The following DCDC2 variants were observed in gnomAD, a reference collection of about 807,000 sequenced individuals.
DCDC2 encodes doublecortin domain-containing protein 2.
A neutral mutation model predicts 50.2 loss-of-function variants in DCDC2; 40 were observed. The ratio of observed to expected loss-of-function variants is 0.80; its 90% CI spans 0.62 to 1.04. The LOEUF (loss-of-function observed/expected upper bound fraction) is 1.04. Among genes scored for constraint, DCDC2 ranks in the 50% least tolerant of loss-of-function variants. The pLI, the probability that DCDC2 is intolerant of heterozygous loss-of-function variation, is 0.00. For synonymous variants in DCDC2, 234 were observed against 210.6 expected (o/e 1.11, Z -0.96); for missense variants, 570 against 581.9 (o/e 0.98, Z 0.21).
chr6:24,307,725 T>C (rs1158434337), intron 2 of DCDC2, among the ~76,000 whole-genome samples: 4 of 152,096 alleles, frequency 2.6e-5, no homozygotes, highest in Admixed American at 6.5e-5. Flanking sequence ...ATCCAAATTA[T>C]AGATTGTTCT....
At chr6:24,193,646 A>C (rs1761358182) in intron 8 of DCDC2, among the ~76,000 whole-genome samples, 1 of 152,180 alleles carries the variant, frequency 6.6e-6, no homozygotes, top group Non-Finnish European at 1.5e-5. Flanking sequence ...AAATGGTTCA[A>C]CTAAGAATAA....
chr6:24,357,691 A>T lies in DCDC2; in HGVS notation c.60T>A (p.Leu20=), dbSNP rs1413179760. ...HLSQPVVKSV[L]VYRNGDPFYA... ...AGAAGGGGTCCCCGTTGCGGTACAC[A>T]AGCACGCTCTTCACGACGGGCTGAG... Residue 20 remains leucine (L), a synonymous_variant, in exon 1 of 10, where the codon CTT becomes CTA. Transcript: ENST00000378454. 3 of 1,613,362 alleles carry T rather than the reference A, an allele frequency of 1.9e-6. No individual in the cohort carries two copies. In the South Asian group the frequency reaches 3.3e-5, roughly 18 times the overall value.
At chr6:24,250,158 G>A (rs1227662122) in intron 7 of DCDC2, among the ~76,000 whole-genome samples, 3 of 152,204 alleles carry the variant, frequency 2.0e-5, no homozygotes, top group African/African-American at 4.8e-5. Context: ...TGAGTCAGAG[G>A]TAGGCAGTGA....
chr6:24,272,368 C>T (rs1763256274), intron 7 of DCDC2, among the ~76,000 whole-genome samples: 1 of 152,136 alleles, frequency 6.6e-6, no homozygotes, highest in Admixed American at 6.5e-5. Flanking sequence ...TTTTATCATA[C>T]TAGTACTTGA....
rs753227406 is a variant in DCDC2, at chr6:24,174,709, T to A, written c.*21A>T. The A allele has an allele frequency of 6.5e-7, 1 of 1,537,876 alleles. No homozygotes were observed. The highest frequency in any genetic ancestry group is 1.7e-5 in the Admixed American group (1 of 59,726). Reference sequence around the variant, plus strand: ...CCCTTCATTTTTCTTGCGATCCATATACTCTCTTTTTAAAAATGTTCTAAG... The same window carrying A: ...CCCTTCATTTTTCTTGCGATCCATAAACTCTCTTTTTAAAAATGTTCTAAG... On this transcript the variant is annotated 3_prime_UTR_variant, in exon 10 of 10. Transcript: ENST00000378454.
intron 8 of DCDC2, among the ~76,000 whole-genome samples, chr6:24,196,052 T>C (rs926533747): frequency 2.0e-5 from 3 of 152,192 alleles, no homozygotes; most frequent in African/African-American, 7.2e-5. Context: ...TGACTAAAAT[T>C]ACAACACAGA....
upstream of DCDC2, among the ~76,000 whole-genome samples, chr6:24,359,233 TA>T (rs1480897997): frequency 5.7e-5 from 2 of 35,086 alleles, no homozygotes; most frequent in African/African-American, 3.9e-4. Flanking sequence ...TTATATATTT[TA>T]TATATTTTAT....
intron 2 of DCDC2, among the ~76,000 whole-genome samples, chr6:24,343,562 T>C (rs573048954): frequency 6.6e-6 from 1 of 152,332 alleles, no homozygotes; most frequent in Non-Finnish European, 1.5e-5. Context: ...TCCTGAAATA[T>C]AAATCTAAAC....
intron 4 of DCDC2, among the ~76,000 whole-genome samples, chr6:24,298,560 T>C (rs1356321798): frequency 6.6e-6 from 1 of 152,236 alleles, no homozygotes; most frequent in African/African-American, 2.4e-5. Context: ...TCACATCTCA[T>C]GTCTATTAAA....
At chr6:24,255,495 C>A (rs996005220) in intron 7 of DCDC2, among the ~76,000 whole-genome samples, 3 of 151,800 alleles carry the variant, frequency 2.0e-5, no homozygotes, top group South Asian at 2.1e-4. Flanking sequence ...AAAAGTCATT[C>A]AGAAAGTGAT....
intron 7 of DCDC2, among the ~76,000 whole-genome samples, chr6:24,248,052 G>A (rs1762722182): frequency 6.6e-6 from 1 of 151,866 alleles, no homozygotes; most frequent in African/African-American, 2.4e-5. Context: ...CTCCAGCCTG[G>A]GCAACAAGAA....
chr6:24,336,991 C>G (rs914806183), intron 2 of DCDC2, among the ~76,000 whole-genome samples: 1 of 152,190 alleles, frequency 6.6e-6, no homozygotes, highest in Non-Finnish European at 1.5e-5. Context: ...GATCAAAGAA[C>G]TGACACCTTG....
rs1277293841 is a variant in DCDC2, at chr6:24,173,246, T to C, written c.*1484A>G. On this transcript the variant is annotated 3_prime_UTR_variant, in exon 10 of 10. Transcript: ENST00000378454. ...TATCTCTCTGTTTACACTTCTGATC[T>C]GTGGAAAATACCAAAATCATATTAA... 1.3e-5 allele frequency: 2 copies of C among 151,964 alleles called. No individual in the cohort carries two copies. The highest frequency in any genetic ancestry group is 4.8e-5 in the African/African-American group (2 of 41,428). 9.4% of individuals were successfully genotyped at this position (151,964 alleles called of 1,614,324 possible).
intron 2 of DCDC2, chr6:24,353,341 T>C: frequency 1.7e-6 from 1 of 603,298 alleles, no homozygotes; most frequent in Non-Finnish European, 3.2e-6. Flanking sequence ...AAAAATATGT[T>C]TTGTCTAATC....
chr6:24,305,983 G>T (rs1759466393), intron 2 of DCDC2, among the ~76,000 whole-genome samples: 1 of 151,890 alleles, frequency 6.6e-6, no homozygotes, highest in Non-Finnish European at 1.5e-5. Flanking sequence ...AGCCAAGATT[G>T]CACCACTGCA....
At chr6:24,284,536 G>A (rs935276233) in intron 6 of DCDC2, among the ~76,000 whole-genome samples, 3 of 150,942 alleles carry the variant, frequency 2.0e-5, no homozygotes, top group Non-Finnish European at 4.4e-5. Flanking sequence ...GCTTGAACCC[G>A]TGGGGCAGAG....
At chr6:24,196,632 G>A (rs922127992) in intron 8 of DCDC2, among the ~76,000 whole-genome samples, 2 of 152,132 alleles carry the variant, frequency 1.3e-5, no homozygotes, top group South Asian at 2.1e-4. Context: ...GTGTTGGCCA[G>A]GCTGGTCTCG....
At chr6:24,209,037 A>G (rs572375914) in intron 7 of DCDC2, among the ~76,000 whole-genome samples, 1 of 152,368 alleles carries the variant, frequency 6.6e-6, no homozygotes, top group South Asian at 2.1e-4. Flanking sequence ...TTGATGCCAA[A>G]GAATTGCCAA....
At chr6:24,355,236 G>A (rs1760444320) in intron 1 of DCDC2, among the ~76,000 whole-genome samples, 1 of 151,976 alleles carries the variant, frequency 6.6e-6, no homozygotes, top group Non-Finnish European at 1.5e-5. Flanking sequence ...CTCTTAGAGA[G>A]ACTTGAGTAC....
Sources: allele counts gnomAD v4.1 joint callset (sites outside exome capture counted in the v4.1 genomes callset), GRCh38; gene constraint gnomAD v4.1.1; transcripts MANE v1.5; gene names NCBI Gene and HGNC (gene_info 2026-07-23, HGNC 2026-07-21).